The following RUNX1T1 variants were observed in gnomAD, a reference collection of about 807,000 sequenced individuals.
RUNX1T1 encodes the protein protein CBFA2T1.
In RUNX1T1, 4 loss-of-function variants were observed where a neutral mutation model predicts 62.8. The ratio of observed to expected loss-of-function variants is 0.06; its 90% CI spans 0.03 to 0.15. The LOEUF (loss-of-function observed/expected upper bound fraction) is 0.15. Among genes scored for constraint, RUNX1T1 ranks in the 10% least tolerant of loss-of-function variants. The pLI is 1.00. For synonymous variants in RUNX1T1, 291 were observed against 286.0 expected (o/e 1.02, Z -0.18); for missense variants, 508 against 754.3 (o/e 0.67, Z 3.82).
chr8:92,013,327 G>T (rs1224056164), intron 3 of RUNX1T1, among the ~76,000 whole-genome samples: 1 of 152,188 alleles, frequency 6.6e-6, no homozygotes, highest in Admixed American at 6.5e-5. Flanking sequence ...AAACATGGAA[G>T]TCTTTTGTTC....
At chr8:92,086,417 G>C (rs1052496939) in intron 1 of RUNX1T1, among the ~76,000 whole-genome samples, 1 of 152,220 alleles carries the variant, frequency 6.6e-6, no homozygotes, top group South Asian at 2.1e-4. Flanking sequence ...CTGCAAAAGA[G>C]AAACTCAAAG....
intron 1 of RUNX1T1, among the ~76,000 whole-genome samples, chr8:92,041,963 C>G (rs890080742): frequency 6.6e-6 from 1 of 151,490 alleles, no homozygotes; most frequent in Non-Finnish European, 1.5e-5. Context: ...GGATTACAGG[C>G]AACCACCACC....
intron 1 of RUNX1T1, among the ~76,000 whole-genome samples, chr8:92,082,372 G>T (rs1247517128): frequency 1.3e-5 from 2 of 152,168 alleles, no homozygotes; most frequent in Non-Finnish European, 2.9e-5. Flanking sequence ...CTGGAATAGT[G>T]AAGTCTTGAA....
chr8:92,029,280 T>C (rs1453702301), intron 1 of RUNX1T1, among the ~76,000 whole-genome samples: 2 of 152,230 alleles, frequency 1.3e-5, no homozygotes, highest in Non-Finnish European at 1.5e-5. Flanking sequence ...TGTTCATTTC[T>C]ATAGTGTATC....
In RUNX1T1 at chr8:92,025,940, GA is replaced by G. The variant is rs1563786777; in HGVS notation, c.8-8578del. On this transcript the variant is annotated intron_variant, in intron 1 of 10. Coordinates refer to ENST00000396218, the Ensembl canonical transcript of RUNX1T1. ...TGAGACTTTTTAGTATATGATATTAGAAAAAAAGTTTGTAAGGCAATTTATA... is the reference window on the plus strand; with the variant it reads ...TGAGACTTTTTAGTATATGATATTAGAAAAAAGTTTGTAAGGCAATTTATA... 3.9e-5 allele frequency among the ~76,000 whole-genome samples: 6 copies of G among 152,168 alleles called. 1 individual carries two copies. The South Asian group carries it at 1.2e-3, about 32-fold the overall frequency.
chr8:92,062,923 G>A, exon 1 of RUNX1T1: 1 of 1,295,000 alleles, frequency 7.7e-7, no homozygotes, highest in Non-Finnish European at 9.9e-7. Context: ...AGCAAAAAGT[G>A]AAATTCAGAA....
chr8:92,072,082 A>G (rs992912869), intron 2 of RUNX1T1, among the ~76,000 whole-genome samples: 5 of 152,232 alleles, frequency 3.3e-5, no homozygotes, highest in Non-Finnish European at 7.3e-5. Context: ...AAATCTGTGT[A>G]AAACGCTGGT....
At position 91,975,993 on chromosome 8, in the gene RUNX1T1, G is replaced by A. The variant is rs754374466; in HGVS notation, c.1199-20C>T. ...GCGCGTCTATGAAAAGGATGGGAAG[G>A]GGGTGGAGAGAGGAGGAGAGTACTG... On this transcript the variant is annotated intron_variant, in intron 8 of 10. Coordinates refer to ENST00000396218, the Ensembl canonical transcript of RUNX1T1. 2.0e-5 allele frequency: 31 copies of A among 1,586,736 alleles called. No individual in the cohort carries two copies. Among genetic ancestry groups the A allele is most frequent in the African/African-American group, 8.1e-5 (6 of 74,310 alleles).
In RUNX1T1 at chr8:91,970,841, G is replaced by A. The variant is rs73306003; in HGVS notation, c.1275C>T (p.Ala425=). The A allele has an allele frequency of 2.1e-3, 3,313 of 1,607,108 alleles. 48 individuals carry two copies. In the African/African-American group the frequency reaches 0.04, roughly 19 times the overall value. ...TCGCCTGGCGCTTCACCTCATTGACGGCCTCCTCTGTGTGCCAGTCAGGCC... is the reference window on the plus strand; with the variant it reads ...TCGCCTGGCGCTTCACCTCATTGACAGCCTCCTCTGTGTGCCAGTCAGGCC... The change falls in exon 10 of 11, where the codon GCC becomes GCT. Residue 425 remains alanine, a synonymous_variant. Transcript: ENST00000396218.
chr8:92,082,858 C>A (rs2130831185), intron 1 of RUNX1T1, among the ~76,000 whole-genome samples: 1 of 151,966 alleles, frequency 6.6e-6, no homozygotes, highest in African/African-American at 2.4e-5. Flanking sequence ...GGGATCTGTC[C>A]AGAAAGCAGA....
intron 10 of RUNX1T1, among the ~76,000 whole-genome samples, chr8:91,968,088 G>A (rs773624623): frequency 5.9e-5 from 9 of 152,116 alleles, no homozygotes; most frequent in Non-Finnish European, 1.2e-4. Context: ...ATGAATTGCC[G>A]AAGGACCTCT....
intron 1 of RUNX1T1, among the ~76,000 whole-genome samples, chr8:92,086,902 C>T (rs1259122340): frequency 4.6e-5 from 7 of 152,320 alleles, no homozygotes; most frequent in East Asian, 1.9e-4. Context: ...CAGCAACAAG[C>T]TTCTCGCCTG....
At chr8:92,066,979 T>C (rs1400295467), upstream of RUNX1T1, among the ~76,000 whole-genome samples, 2 of 152,330 alleles carry the variant, frequency 1.3e-5, no homozygotes, top group Non-Finnish European at 2.9e-5. Context: ...GGGGAAATGA[T>C]TGGCAAGCAT....
At chr8:92,093,783 T>G (rs1224953471) in intron 1 of RUNX1T1, among the ~76,000 whole-genome samples, 1 of 152,136 alleles carries the variant, frequency 6.6e-6, no homozygotes, top group African/African-American at 2.4e-5. Flanking sequence ...TGTAAATAAC[T>G]CCAGGTAAAG....
chr8:92,071,674 C>A (rs1161047614), intron 2 of RUNX1T1, among the ~76,000 whole-genome samples: 2 of 152,104 alleles, frequency 1.3e-5, no homozygotes, highest in African/African-American at 2.4e-5. Context: ...CAGGGCTGGC[C>A]TTGCAGGATG....
chr8:91,996,334 T>C (rs898713449), intron 5 of RUNX1T1, among the ~76,000 whole-genome samples: 6 of 152,180 alleles, frequency 3.9e-5, no homozygotes, highest in Non-Finnish European at 7.4e-5. Flanking sequence ...CCTGAGTAGC[T>C]GGGACTACAG....
intron 1 of RUNX1T1, chr8:92,017,695 G>A (rs893666366): frequency 2.5e-6 from 3 of 1,200,616 alleles, no homozygotes; most frequent in Non-Finnish European, 3.2e-6. Context: ...GTAGAAAATA[G>A]ATGAGGAAGT....
At chr8:92,033,325 G>A (rs1366345809) in intron 1 of RUNX1T1, among the ~76,000 whole-genome samples, 3 of 152,150 alleles carry the variant, frequency 2.0e-5, no homozygotes, top group African/African-American at 7.2e-5. Context: ...TTACAAAGCA[G>A]TATGTTTTAC....
At chr8:92,101,572 G>T (rs2130956357), upstream of RUNX1T1, among the ~76,000 whole-genome samples, 1 of 152,254 alleles carries the variant, frequency 6.6e-6, no homozygotes, top group East Asian at 1.9e-4. Flanking sequence ...GTTACGCTTT[G>T]CAAGGAATGA....
Sources: allele counts gnomAD v4.1 joint callset (sites outside exome capture counted in the v4.1 genomes callset), GRCh38; gene constraint gnomAD v4.1.1; transcripts MANE v1.5; gene names NCBI Gene and HGNC (gene_info 2026-07-23, HGNC 2026-07-21).